Variants in GPD2 observed in about 807,000 individuals in gnomAD.
The protein encoded by GPD2 is glycerol-3-phosphate dehydrogenase, mitochondrial.
A neutral mutation model predicts 82.4 loss-of-function variants in GPD2; 54 were observed. The ratio of observed to expected loss-of-function variants is 0.66; its 90% confidence interval spans 0.53 to 0.82. The LOEUF (loss-of-function observed/expected upper bound fraction) is 0.82, where lower values mean the gene tolerates loss of function less well. Among genes scored for constraint, GPD2 ranks in the 40% least tolerant of loss-of-function variants. The pLI, the probability that GPD2 is intolerant of heterozygous loss-of-function variation, is 0.00. For missense variants in GPD2, 748 were observed against 896.2 expected (o/e 0.83, Z 2.11); for synonymous variants, 288 against 306.1 (o/e 0.94, Z 0.62).
At position 156,456,629 on chromosome 2, in the gene GPD2, A is replaced by G. The variant is rs181503419; in HGVS notation, c.-8-19469A>G. Among the ~76,000 whole-genome samples, 597 of 152,224 alleles carry G rather than the reference A, an allele frequency of 3.9e-3. 2 individuals are homozygous for G. The highest frequency in any genetic ancestry group is 0.01 in the Middle Eastern group (3 of 294). On this transcript the variant is annotated intron_variant, in intron 1 of 16. Coordinates refer to ENST00000438166, the MANE Select transcript of GPD2 (RefSeq NM_000408.5). ...AAAAAGTTGGTCTTCTTGATCCTACATGAACTAATTAATTCTGTATTCCAA... is the reference window on the plus strand; with the variant it reads ...AAAAAGTTGGTCTTCTTGATCCTACGTGAACTAATTAATTCTGTATTCCAA...
intron 3 of GPD2, chr2:156,501,683 C>G (rs999184595): frequency 1.4e-4 from 23 of 167,966 alleles, no homozygotes; most frequent in South Asian, 8.2e-4. Context: ...AAAGTTTGCT[C>G]TTTGCTGGAC....
the GPD2 span, among the ~76,000 whole-genome samples, chr2:156,421,127 C>A: frequency 6.6e-6 from 1 of 152,226 alleles, no homozygotes; most frequent in South Asian, 2.1e-4. Context: ...CCAGGTGAAG[C>A]TTTTATCACT....
At chr2:156,532,035 G>A (rs187508578) in intron 6 of GPD2, among the ~76,000 whole-genome samples, 10 of 151,830 alleles carry the variant, frequency 6.6e-5, no homozygotes, top group African/African-American at 1.7e-4. Flanking sequence ...ACAAAGTCTC[G>A]TTCAGTTGTT....
chr2:156,418,359 C>T, the GPD2 span, among the ~76,000 whole-genome samples: 1 of 151,470 alleles, frequency 6.6e-6, no homozygotes, highest in African/African-American at 2.4e-5. Context: ...TACTACACTC[C>T]GGCCTGGGCG....
Position 156,571,260 on chromosome 2 carries a change from AGG to A in GPD2, c.1737_1738del (p.Glu580ThrfsTer5), listed in dbSNP as rs760498483. On this transcript the variant is annotated frameshift_variant, in exon 13 of 17. Transcript: ENST00000438166. LOFTEE classifies it high-confidence loss of function. ...ALPRIVELMG[R>X]ELNWDDYKKQ... ...ACCCAGGATTGTTGAACTGATGGGCAGGGAACTGAATTGGGATGATTATAAGA... is the reference window on the plus strand; with the variant it reads ...ACCCAGGATTGTTGAACTGATGGGCAGAACTGAATTGGGATGATTATAAGA... 1 of 1,612,276 alleles carries A rather than the reference AGG, an allele frequency of 6.2e-7. No individual in the cohort carries two copies. Among genetic ancestry groups the A allele is most frequent in the Non-Finnish European group, 8.5e-7 (1 of 1,178,758 alleles).
chr2:156,513,625 G>A, intron 6 of GPD2, 129 bp downstream of exon 6: 1 of 740,512 alleles, frequency 1.4e-6, no homozygotes, highest in South Asian at 1.6e-5. Flanking sequence ...AAACACACGT[G>A]CACGCACATA....
At chr2:156,404,659 G>A in the GPD2 span, among the ~76,000 whole-genome samples, 7 of 131,026 alleles carry the variant, frequency 5.3e-5, no homozygotes, top group African/African-American at 1.4e-4. Flanking sequence ...TGGCCAATGT[G>A]TGAAACCCCG....
At chr2:156,523,382 T>A (rs1455661689) in intron 6 of GPD2, among the ~76,000 whole-genome samples, 1 of 152,166 alleles carries the variant, frequency 6.6e-6, no homozygotes, top group African/African-American at 2.4e-5. Context: ...GTTATACACT[T>A]TTAAAAAGTA....
Position 156,479,864 on chromosome 2 carries a change from G to A in GPD2, c.102+3657G>A, listed in dbSNP as rs114341915. Among the ~76,000 whole-genome samples the A allele has an allele frequency of 2.7e-3, 412 of 152,122 alleles. 1 individual carries two copies. Among genetic ancestry groups the A allele is most frequent in the African/African-American group, 9.3e-3 (385 of 41,484 alleles). On this transcript the variant is annotated intron_variant, in intron 2 of 16. Coordinates refer to ENST00000438166, the MANE Select transcript of GPD2 (RefSeq NM_000408.5). ...ATAAGCAGGTGACAGTTTCCACAAA[G>A]GGAGCTTGAGTTTTCTTCTCCCCAG...
chr2:156,577,060 A>G (rs1687847051), intron 13 of GPD2, among the ~76,000 whole-genome samples: 1 of 152,148 alleles, frequency 6.6e-6, no homozygotes. Context: ...TTTTAAATTT[A>G]CTTTTTTAAG....
chr2:156,475,068 C>T (rs1683458860), intron 1 of GPD2, among the ~76,000 whole-genome samples: 1 of 152,030 alleles, frequency 6.6e-6, no homozygotes, highest in African/African-American at 2.4e-5. Context: ...TATGATTGAG[C>T]CACTGCACTC....
At chr2:156,531,764 C>T (rs1041170114) in intron 6 of GPD2, among the ~76,000 whole-genome samples, 1 of 152,170 alleles carries the variant, frequency 6.6e-6, no homozygotes, top group Non-Finnish European at 1.5e-5. Flanking sequence ...CCCTCCACAA[C>T]ACAATGGGGC....
intron 8 of GPD2, among the ~76,000 whole-genome samples, chr2:156,553,730 G>A (rs140055941): frequency 1.1e-3 from 167 of 152,194 alleles, no homozygotes; most frequent in African/African-American, 3.8e-3. Context: ...TGGTCATGTT[G>A]CATATATTGT....
intron 15 of GPD2, 83 bp from the exon 16 acceptor site, chr2:156,579,607 C>T (rs1687956080): frequency 9.2e-6 from 7 of 760,838 alleles, no homozygotes; most frequent in South Asian, 2.9e-5. Context: ...GCTGGGATTA[C>T]AGGCATGAGC....
At chr2:156,426,056 T>A in the GPD2 span, among the ~76,000 whole-genome samples, 658 of 152,112 alleles carry the variant, frequency 4.3e-3, 7 homozygotes, top group Middle Eastern at 0.037. Flanking sequence ...CCCGAGTAGC[T>A]GGGACTACAG....
chr2:156,408,261 A>T, the GPD2 span, among the ~76,000 whole-genome samples: 2 of 152,102 alleles, frequency 1.3e-5, no homozygotes, highest in Non-Finnish European at 2.9e-5. Flanking sequence ...GGCCAAAAGT[A>T]GTGTTCTAAA....
the GPD2 span, among the ~76,000 whole-genome samples, chr2:156,421,828 T>C: frequency 3.3e-5 from 5 of 152,182 alleles, no homozygotes; most frequent in Non-Finnish European, 7.3e-5. Context: ...TGCTAAAAAG[T>C]GTTAAAAAGT....
At chr2:156,422,329 A>G in the GPD2 span, among the ~76,000 whole-genome samples, 1 of 152,214 alleles carries the variant, frequency 6.6e-6, no homozygotes, top group African/African-American at 2.4e-5. Context: ...ACAAGGAAAC[A>G]AAGATATTCA....
chr2:156,412,317 T>C, the GPD2 span, among the ~76,000 whole-genome samples: 2 of 152,164 alleles, frequency 1.3e-5, no homozygotes, highest in Non-Finnish European at 2.9e-5. Flanking sequence ...TGGATGCCTG[T>C]AGTCCCAGCT....
Sources: gnomAD v4.1 joint callset for allele counts (sites outside exome capture counted in the v4.1 genomes callset) on GRCh38, gnomAD v4.1.1 for gene constraint, MANE v1.5 for transcripts, NCBI Gene and HGNC (gene_info 2026-07-23, HGNC 2026-07-21) for gene names.